Variants in MAGI1 observed in about 807,000 individuals in gnomAD.
MAGI1 encodes the protein membrane associated guanylate kinase, WW and PDZ domain containing 1.
MAGI1 carries 58 observed loss-of-function variants against 139.9 expected under a neutral mutation model. That is an observed-to-expected ratio of 0.41 (90% CI 0.34 to 0.52). The LOEUF is 0.52. MAGI1 is among the 20% of genes least tolerant of loss of function. MAGI1 has a pLI of 0.12. For synonymous variants in MAGI1, 812 were observed against 737.9 expected, an observed-to-expected ratio of 1.10 and a Z score of -1.63; for missense variants, 1,874 against 1,901.6, an observed-to-expected ratio of 0.99 and a Z score of 0.27.
intron 2 of MAGI1, among the ~76,000 whole-genome samples, chr3:65,605,932 A>G (rs1027935287): frequency 2.0e-5 from 3 of 152,188 alleles, no homozygotes; most frequent in African/African-American, 7.2e-5. Context: ...CAGGGTAGTT[A>G]CATGTAAAAC....
chr3:65,507,889 A>C (rs2077364768), intron 2 of MAGI1, among the ~76,000 whole-genome samples: 1 of 133,968 alleles, frequency 7.5e-6, no homozygotes, highest in African/African-American at 2.7e-5. Flanking sequence ...GGTAGCTTTT[A>C]GAGGTGATTT....
At chr3:65,492,311 GCTTTGA>G (rs1952096519) in intron 3 of MAGI1, among the ~76,000 whole-genome samples, 1 of 152,126 alleles carries the variant, frequency 6.6e-6, no homozygotes, top group Non-Finnish European at 1.5e-5. Flanking sequence ...ACCACATTTG[GCTTTGA>G]CCCAGCAATG....
intron 1 of MAGI1, among the ~76,000 whole-genome samples, chr3:65,742,039 T>G (rs1163231413): frequency 6.6e-6 from 1 of 152,238 alleles, no homozygotes; most frequent in African/African-American, 2.4e-5. Flanking sequence ...GAATACTACG[T>G]GGCTTTCATT....
chr3:65,518,101 C>T (rs2077987180), intron 2 of MAGI1, among the ~76,000 whole-genome samples: 1 of 152,160 alleles, frequency 6.6e-6, no homozygotes, highest in Non-Finnish European at 1.5e-5. Flanking sequence ...GCTGAATAAA[C>T]ATCAGCTGAA....
intron 1 of MAGI1, among the ~76,000 whole-genome samples, chr3:65,973,857 C>G (rs2065122720): frequency 6.6e-6 from 1 of 151,920 alleles, no homozygotes; most frequent in South Asian, 2.1e-4. Flanking sequence ...TTTTTGTTTT[C>G]AGAACAATTC....
chr3:65,987,689 G>A (rs76171386), intron 1 of MAGI1, among the ~76,000 whole-genome samples: 441 of 42,506 alleles, frequency 0.01, 3 homozygotes, highest in African/African-American at 0.026. Flanking sequence ...CTGCCTCCTG[G>A]GCCCAAGCAA....
chr3:65,703,921 T>C (rs998591754), intron 1 of MAGI1, among the ~76,000 whole-genome samples: 4 of 152,240 alleles, frequency 2.6e-5, no homozygotes, highest in East Asian at 1.9e-4. Context: ...TTCTTAGACA[T>C]GCATGGGCTT....
chr3:65,571,995 C>T (rs1445788917), intron 2 of MAGI1, among the ~76,000 whole-genome samples: 1 of 151,750 alleles, frequency 6.6e-6, no homozygotes, highest in African/African-American at 2.4e-5. Context: ...AAAAAATAAG[C>T]ATATATGCAC....
At chr3:66,037,352 T>C (rs979286600) in intron 1 of MAGI1, among the ~76,000 whole-genome samples, 5 of 152,062 alleles carry the variant, frequency 3.3e-5, no homozygotes, top group African/African-American at 1.2e-4. Flanking sequence ...TTGGACCCGA[T>C]TCGAGCTAAA....
At chr3:65,692,423 A>G (rs542213319) in intron 1 of MAGI1, among the ~76,000 whole-genome samples, 2 of 152,126 alleles carry the variant, frequency 1.3e-5, no homozygotes, top group Non-Finnish European at 2.9e-5. Context: ...CTCCCTGCCA[A>G]CCAAACTCAT....
In MAGI1 at chr3:66,038,294, G is replaced by A. The variant is rs758071328; in HGVS notation, c.15C>T (p.Ile5=). 1 of 1,589,132 alleles carries A rather than the reference G, an allele frequency of 6.3e-7. No individual in the cohort carries two copies. The highest frequency in any genetic ancestry group is 1.1e-5 in the South Asian group (1 of 87,890). The change falls in exon 1 of 23, where the codon ATC becomes ATT. Residue 5 remains isoleucine (I), a synonymous_variant. Coordinates refer to ENST00000402939, the MANE Select transcript of MAGI1 (RefSeq NM_001033057.2). MSKV[I]QKKNHWTSRV... is the part of the protein sequence containing the mutation. ...TGCTAGTCCAGTGGTTCTTCTTCTG[G>A]ATCACTTTGGACATGATGAGTTACA...
intron 1 of MAGI1, among the ~76,000 whole-genome samples, chr3:65,979,188 T>C (rs1381176912): frequency 6.8e-6 from 1 of 146,538 alleles, no homozygotes; most frequent in African/African-American, 2.5e-5. Flanking sequence ...TCAATTTTCT[T>C]ATAGTAATTT....
At chr3:65,719,116 CA>C (rs2032666700) in intron 1 of MAGI1, among the ~76,000 whole-genome samples, 1 of 148,260 alleles carries the variant, frequency 6.7e-6, no homozygotes, top group African/African-American at 2.5e-5. Flanking sequence ...TAAACCAAAA[CA>C]TTGTGTATTA....
At chr3:65,424,513 G>A (rs1946865551) in intron 12 of MAGI1, among the ~76,000 whole-genome samples, 1 of 152,052 alleles carries the variant, frequency 6.6e-6, no homozygotes, top group African/African-American at 2.4e-5. Flanking sequence ...TTCAGTATAT[G>A]GTCTGTGCAA....
At chr3:65,571,933 C>T (rs908735970) in intron 2 of MAGI1, among the ~76,000 whole-genome samples, 3 of 151,940 alleles carry the variant, frequency 2.0e-5, no homozygotes, top group Non-Finnish European at 2.9e-5. Flanking sequence ...GGCAAATATA[C>T]CCAACCTCAT....
intron 1 of MAGI1, among the ~76,000 whole-genome samples, chr3:65,627,364 A>G (rs1424189644): frequency 1.3e-5 from 2 of 152,036 alleles, no homozygotes; most frequent in Non-Finnish European, 2.9e-5. Flanking sequence ...AACCATGACT[A>G]TATATAGAAC....
intron 1 of MAGI1, among the ~76,000 whole-genome samples, chr3:65,781,480 T>A (rs185590439): frequency 5.3e-5 from 8 of 152,334 alleles, no homozygotes; most frequent in African/African-American, 1.9e-4. Context: ...GTTTGTTATA[T>A]ATAAACACGT....
chr3:65,742,257 T>A (rs1441532864), intron 1 of MAGI1, among the ~76,000 whole-genome samples: 3 of 152,128 alleles, frequency 2.0e-5, no homozygotes, highest in African/African-American at 7.2e-5. Context: ...CCCTGCCAAA[T>A]ATTTTACATC....
rs183735381 is a variant in MAGI1, at chr3:65,647,399, C to A, written c.314-25311G>T. On this transcript the variant is annotated intron_variant, in intron 1 of 22. Transcript: ENST00000402939. ...AATTTATTTTATGAACCTAGTATTA[C>A]TCTGATACCAAAACCAAAGACAGTA... Among the ~76,000 whole-genome samples the A allele has an allele frequency of 2.9e-3, 445 of 152,210 alleles. 6 individuals carry two copies. The highest frequency in any genetic ancestry group is 3.1e-3 in the Non-Finnish European group (210 of 67,986).
Sources: allele counts gnomAD v4.1 joint callset (sites outside exome capture counted in the v4.1 genomes callset), GRCh38; gene constraint gnomAD v4.1.1; transcripts MANE v1.5; gene names NCBI Gene and HGNC (gene_info 2026-07-23, HGNC 2026-07-21).